Variants in RNF43 observed in about 807,000 individuals in gnomAD.
RNF43 encodes E3 ubiquitin-protein ligase RNF43.
RNF43 carries 37 observed loss-of-function variants against 78.4 expected under a neutral mutation model. The ratio of observed to expected loss-of-function variants is 0.47; its 90% confidence interval spans 0.36 to 0.62. RNF43 has a LOEUF of 0.62. Ranked by LOEUF, RNF43 falls within the 20% of genes least tolerant of loss-of-function variation. RNF43 has a pLI of 0.00. For missense variants in RNF43, 774 were observed against 1,007.9 expected (o/e 0.77, Z 3.14); for synonymous variants, 347 against 395.0 (o/e 0.88, Z 1.44).
chr17:58,412,309 T>C (rs1342162649), intron 2 of RNF43, among the ~76,000 whole-genome samples: 1 of 151,920 alleles, frequency 6.6e-6, no homozygotes, highest in Admixed American at 6.6e-5. Flanking sequence ...ATAATAAAAT[T>C]TGGACAGGAC....
At chr17:58,399,107 T>A (rs1365399033) in intron 2 of RNF43, among the ~76,000 whole-genome samples, 1 of 152,238 alleles carries the variant, frequency 6.6e-6, no homozygotes, top group African/African-American at 2.4e-5. Context: ...TAATGGTAAT[T>A]CAGTTTGTTT....
Position 58,415,344 on chromosome 17 carries a change from T to C in RNF43, c.234A>G (p.Ala78=). The C allele has an allele frequency of 6.2e-7, 1 of 1,614,250 alleles. No individual in the cohort carries two copies. The highest frequency in any genetic ancestry group is 8.5e-7 in the Non-Finnish European group (1 of 1,180,020). ...TACTTGCCTGCATTAATTTTCCTTC[T>C]GCTGGAGTTATTTCAGCAACACCAG... is the stretch of plus-strand genomic sequence containing the variant. ...VFAGVAEITP[A]EGKLMQSHPL... The change falls in exon 2 of 10, where the codon GCA becomes GCG. Residue 78 remains alanine, a synonymous_variant. Coordinates refer to ENST00000407977, the MANE Select transcript of RNF43 (RefSeq NM_017763.6).
rs1017986992 is a variant in RNF43, at chr17:58,357,176, G to A, written c.2308+292C>T. 1 of 701,000 alleles carries A rather than the reference G, an allele frequency of 1.4e-6. No individual in the cohort carries two copies. The highest frequency in any genetic ancestry group is 1.7e-5 in the African/African-American group (1 of 57,166). The allele number at this position is 701,000 out of a possible 1,614,324, so 43.4% of individuals were successfully genotyped here. A position where few individuals can be genotyped will look rare whatever the true frequency, so the allele number is the denominator to read the frequency against. On this transcript the variant is annotated intron_variant, in intron 9 of 9. Transcript: ENST00000407977. This position sits in a 1 kb window ranked among gnomAD's most constrained non-coding sequence, Gnocchi z 4.5. Reference sequence around the variant, plus strand: ...CCCAAAGTTCTGGGATTACAGGCATGAGCCATCACACCCGGCCTTCCAAGT... The same window carrying A: ...CCCAAAGTTCTGGGATTACAGGCATAAGCCATCACACCCGGCCTTCCAAGT...
At chr17:58,356,802 G>C (rs914748855) in intron 9 of RNF43, among the ~76,000 whole-genome samples, 2 of 151,456 alleles carry the variant, frequency 1.3e-5, no homozygotes, top group Non-Finnish European at 2.9e-5. Context: ...ACTGAGCTGT[G>C]AGCATTGGTA....
intron 2 of RNF43, among the ~76,000 whole-genome samples, chr17:58,405,106 C>CT (rs1973877378): frequency 9.4e-6 from 1 of 105,938 alleles, no homozygotes; most frequent in Admixed American, 1.5e-4. Context: ...GAGACAGAGT[C>CT]TTGCTCTGTC....
chr17:58,366,204 T>G (rs1972946571), intron 3 of RNF43, among the ~76,000 whole-genome samples: 1 of 152,200 alleles, frequency 6.6e-6, no homozygotes, highest in African/African-American at 2.4e-5. Context: ...AGACCTTTTT[T>G]CACTCCAGAA....
chr17:58,371,126 C>A (rs919137897), intron 2 of RNF43, 93 bp from the exon 3 acceptor site: 1 of 1,273,192 alleles, frequency 7.9e-7, no homozygotes, highest in African/African-American at 1.5e-5. Context: ...TAGGGAGGTA[C>A]CAGGCAGGTC....
intron 2 of RNF43, among the ~76,000 whole-genome samples, chr17:58,399,880 T>A (rs1973758183): frequency 6.6e-6 from 1 of 152,044 alleles, no homozygotes; most frequent in South Asian, 2.1e-4. Flanking sequence ...GACTTCATGA[T>A]CCACCCGCCT....
At chr17:58,362,737 A>T in intron 5 of RNF43, 89 bp from the exon 6 acceptor site, 1 of 973,476 alleles carries the variant, frequency 1.0e-6, no homozygotes, top group Middle Eastern at 2.3e-4. Flanking sequence ...GGAGGCACAT[A>T]GCTAACTGGA....
intron 2 of RNF43, chr17:58,402,732 C>T (rs1044180619): frequency 6.6e-6 from 1 of 152,204 alleles, no homozygotes; most frequent in African/African-American, 2.4e-5. Context: ...GACACTAATA[C>T]TTAACATGGT....
chr17:58,397,640 G>A (rs1973710954), intron 2 of RNF43, among the ~76,000 whole-genome samples: 1 of 150,732 alleles, frequency 6.6e-6, no homozygotes, highest in Non-Finnish European at 1.5e-5. Context: ...TCCAGCCTGG[G>A]TGACAACAGT....
At chr17:58,407,634 ACAAG>A (rs1973940718) in intron 2 of RNF43, among the ~76,000 whole-genome samples, 2 of 152,328 alleles carry the variant, frequency 1.3e-5, no homozygotes, top group South Asian at 4.1e-4. Flanking sequence ...GTTATTCAAA[ACAAG>A]CAAGCAACAA....
At chr17:58,416,783 G>C (rs974331960) in intron 1 of RNF43, 1 of 152,126 alleles carries the variant, frequency 6.6e-6, no homozygotes, top group Non-Finnish European at 1.5e-5. Flanking sequence ...GAAAATTTGC[G>C]TCTTTGTACA....
intron 2 of RNF43, among the ~76,000 whole-genome samples, chr17:58,402,055 TA>T (rs1403229254): frequency 2.0e-5 from 3 of 152,168 alleles, no homozygotes; most frequent in African/African-American, 7.2e-5. Flanking sequence ...CAGAACCAAG[TA>T]AAAACAAAAG....
rs976847285 is a variant in RNF43 at position 58,358,106 on chromosome 17, T to C, written c.1670A>G (p.His557Arg). ...HVHYHRHRHH[H>R]YKKRFQWHGR... is the part of the protein sequence containing the mutation. ...ATGCCACTGGAACCGCTTTTTGTAG[T>C]GGTGGTGCCGGTGGCGGTGGTAGTG... The change falls in exon 9 of 10, where the codon CAC becomes CGC. Residue 557 changes from histidine to arginine, a missense_variant. Transcript: ENST00000407977. This position sits in a 1 kb window ranked among gnomAD's most constrained non-coding sequence, Gnocchi z 6.2. 3 of 1,611,730 alleles carry C rather than the reference T, an allele frequency of 1.9e-6. No homozygotes were observed. Among genetic ancestry groups the C allele is most frequent in the African/African-American group, 1.3e-5 (1 of 74,734 alleles).
chr17:58,364,671 T>C (rs535448663), intron 3 of RNF43, among the ~76,000 whole-genome samples: 2 of 152,194 alleles, frequency 1.3e-5, no homozygotes, highest in South Asian at 2.1e-4. Context: ...GCTGTGATTT[T>C]ACATCCCTGG....
intron 3 of RNF43, among the ~76,000 whole-genome samples, chr17:58,365,180 A>G (rs1343869558): frequency 6.6e-6 from 1 of 152,196 alleles, no homozygotes; most frequent in Non-Finnish European, 1.5e-5. Flanking sequence ...TACTCCAGGC[A>G]GGTAGAGACT....
Position 58,408,736 on chromosome 17 carries a change from A to T in RNF43, c.252+6590T>A, listed in dbSNP as rs572743883. ...AATCCACCTTATAACATACTTTAAA[A>T]ATGTGATAAGCATGTTTTATTCTAG... On this transcript the variant is annotated intron_variant, in intron 2 of 9. Coordinates refer to ENST00000407977, the MANE Select transcript of RNF43 (RefSeq NM_017763.6). 2.0e-5 allele frequency among the ~76,000 whole-genome samples: 3 copies of T among 152,292 alleles called. No individual in the cohort carries two copies. In the South Asian group the frequency reaches 6.2e-4, roughly 32 times the overall value.
chr17:58,411,833 G>C (rs1192480123), intron 2 of RNF43, among the ~76,000 whole-genome samples: 1 of 152,120 alleles, frequency 6.6e-6, no homozygotes, highest in African/African-American at 2.4e-5. Flanking sequence ...CAATAATATT[G>C]CTTGAAATAA....
Sources: allele counts gnomAD v4.1 joint callset (sites outside exome capture counted in the v4.1 genomes callset), GRCh38; gene constraint gnomAD v4.1.1; non-coding constraint Gnocchi (gnomAD v3.1); transcripts MANE v1.5; gene names NCBI Gene and HGNC (gene_info 2026-07-23, HGNC 2026-07-21).